The following DLGAP3 variants were observed in gnomAD, a reference collection of about 807,000 sequenced individuals.
DLGAP3 encodes DLG associated protein 3, also known as disks large-associated protein 3.
A neutral mutation model predicts 81.2 loss-of-function variants in DLGAP3; 17 were observed. The ratio of observed to expected loss-of-function variants is 0.21; its 90% CI spans 0.14 to 0.31. DLGAP3 has a LOEUF of 0.31. Ranked by LOEUF, DLGAP3 falls within the 10% of genes least tolerant of loss-of-function variation. The probability of loss-of-function intolerance (pLI) is 1.00; values close to 1 mark genes in which losing one functional copy is unlikely to be tolerated. For missense variants in DLGAP3, 1,124 were observed against 1,388.0 expected, an observed-to-expected ratio of 0.81 and a Z score of 3.02; for synonymous variants, 577 against 587.4, an observed-to-expected ratio of 0.98 and a Z score of 0.26.
intron 1 of DLGAP3, among the ~76,000 whole-genome samples, chr1:34,910,454 C>G (rs1639621657): frequency 6.6e-6 from 1 of 152,212 alleles, no homozygotes; most frequent in Non-Finnish European, 1.5e-5. Context: ...TATTGATGTT[C>G]TTAGGATAAA....
chr1:34,905,960 T>C (rs1340916104), intron 2 of DLGAP3, among the ~76,000 whole-genome samples: 1 of 135,766 alleles, frequency 7.4e-6, no homozygotes, highest in Admixed American at 7.8e-5. Flanking sequence ...GAACTATGAT[T>C]GTATTATACC....
intron 8 of DLGAP3, among the ~76,000 whole-genome samples, chr1:34,880,494 G>A (rs1639128274): frequency 6.6e-6 from 1 of 152,300 alleles, no homozygotes; most frequent in African/African-American, 2.4e-5. Flanking sequence ...ACTTTGGGAG[G>A]CTGAGGCGGG....
chr1:34,928,257 C>A (rs1212306669), intron 1 of DLGAP3, among the ~76,000 whole-genome samples: 2 of 152,166 alleles, frequency 1.3e-5, no homozygotes, highest in Admixed American at 1.3e-4. Flanking sequence ...GGGAGAGCGC[C>A]ACCTGCTCTG....
Position 34,900,418 on chromosome 1 carries a change from G to A in DLGAP3, c.1108-145C>T. ...CATGCAGAGGCAGAAGGGGAGGTAG[G>A]GTCTCAGGCTGTCCCCGTCCCTTAC... On this transcript the variant is annotated intron_variant, in intron 3 of 11. Transcript: ENST00000373347. This position sits in a 1 kb window ranked among gnomAD's most constrained non-coding sequence, Gnocchi z 5.6. 2 of 833,934 alleles carry A rather than the reference G, an allele frequency of 2.4e-6. No individual in the cohort carries two copies. The highest frequency in any genetic ancestry group is 4.0e-6 in the Non-Finnish European group (2 of 506,224). 51.7% of individuals were successfully genotyped at this position (833,934 alleles called of 1,614,324 possible). A position where few individuals can be genotyped will look rare whatever the true frequency, so the allele number is the denominator to read the frequency against.
chr1:34,923,274 C>T lies in DLGAP3; in HGVS notation c.-135+6177G>A, dbSNP rs1266054190. On this transcript the variant is annotated intron_variant, in intron 1 of 11. Transcript: ENST00000373347. ...GTGGGTGCTAAAACCTCCTAGAAAACACCCCTTTTCTTCCCTAGAGGGGAG... is the reference window on the plus strand; with the variant it reads ...GTGGGTGCTAAAACCTCCTAGAAAATACCCCTTTTCTTCCCTAGAGGGGAG... 2.6e-5 allele frequency among the ~76,000 whole-genome samples: 4 copies of T among 152,174 alleles called. No individual in the cohort carries two copies. The East Asian group carries it at 7.7e-4, about 29-fold the overall frequency.
intron 1 of DLGAP3, among the ~76,000 whole-genome samples, chr1:34,927,670 T>G (rs1218757852): frequency 6.6e-6 from 1 of 151,898 alleles, no homozygotes; most frequent in Non-Finnish European, 1.5e-5. Flanking sequence ...TCACGAAGCC[T>G]CTCCCTCCCC....
chr1:34,927,696 C>T lies in DLGAP3; in HGVS notation c.-135+1755G>A, dbSNP rs1037628886. ...CTCCCTCCCCTCCCTCCTCTCTTCT[C>T]CCCCCACCCCCCACTCTTTTAGGCA... On this transcript the variant is annotated intron_variant, in intron 1 of 11. Transcript: ENST00000373347. Among the ~76,000 whole-genome samples, 9 of 149,526 alleles carry T rather than the reference C, an allele frequency of 6.0e-5. No homozygotes were observed. In the South Asian group the frequency reaches 1.8e-3, roughly 30 times the overall value.
At chr1:34,905,467 G>C in intron 2 of DLGAP3, 33 bp from the exon 3 acceptor site, 1 of 1,418,846 alleles carries the variant, frequency 7.0e-7, no homozygotes, top group African/African-American at 1.4e-5. Flanking sequence ...TATTTGAATT[G>C]AACAGCCCTC....
At chr1:34,887,481 C>T (rs1208721127) in intron 5 of DLGAP3, among the ~76,000 whole-genome samples, 113 of 152,090 alleles carry the variant, frequency 7.4e-4, no homozygotes, top group Non-Finnish European at 5.9e-5. Context: ...CGCACACCAC[C>T]ACATGAAGAC....
chr1:34,872,083 C>T (rs760406174), intron 8 of DLGAP3, among the ~76,000 whole-genome samples: 4 of 152,144 alleles, frequency 2.6e-5, no homozygotes, highest in Non-Finnish European at 4.4e-5. Flanking sequence ...ATCCAAACCC[C>T]GGGAGAACAC....
At chr1:34,898,344 C>T (rs887911134) in intron 5 of DLGAP3, among the ~76,000 whole-genome samples, 8 of 152,172 alleles carry the variant, frequency 5.3e-5, no homozygotes, top group Admixed American at 1.3e-4. Context: ...GTGTGGTGTC[C>T]TCCAAGCCAA....
rs377418060 is a variant in DLGAP3, at chr1:34,902,235, A to C, written c.1108-1962T>G. ...AAATGGGGTAGGGATGGGAGCTCCA[A>C]AAGGGGTAACGCCTCAGGGACAGCA... On this transcript the variant is annotated intron_variant, in intron 3 of 11. Coordinates refer to ENST00000373347, the MANE Select transcript of DLGAP3 (RefSeq NM_001080418.3). This position sits in a 1 kb window ranked among gnomAD's most constrained non-coding sequence, Gnocchi z 4.4. Among the ~76,000 whole-genome samples the C allele has an allele frequency of 1.3e-5, 2 of 152,094 alleles. No homozygotes were observed. Among genetic ancestry groups the C allele is most frequent in the Admixed American group, 1.3e-4 (2 of 15,288 alleles).
chr1:34,874,411 G>A (rs754593157), intron 8 of DLGAP3, among the ~76,000 whole-genome samples: 22 of 152,178 alleles, frequency 1.4e-4, no homozygotes, highest in Non-Finnish European at 2.8e-4. Context: ...GGCTTATGTC[G>A]CTATTTAGTT....
intron 8 of DLGAP3, among the ~76,000 whole-genome samples, chr1:34,872,734 C>G (rs1222908740): frequency 6.6e-6 from 1 of 152,080 alleles, no homozygotes; most frequent in Non-Finnish European, 1.5e-5. Context: ...ATAATGCAAC[C>G]TAGGGACTCA....
At chr1:34,879,664 CA>C (rs1359384379) in intron 8 of DLGAP3, among the ~76,000 whole-genome samples, 1 of 150,370 alleles carries the variant, frequency 6.7e-6, no homozygotes, top group Non-Finnish European at 1.5e-5. Context: ...TGTCCCTTGT[CA>C]AAAAAATTCA....
Position 34,865,768 on chromosome 1 carries a change from G to C in DLGAP3, c.*315C>G, listed in dbSNP as rs1638864013. The C allele has an allele frequency of 7.0e-6, 3 of 429,350 alleles. No homozygotes were observed. The highest frequency in any genetic ancestry group is 2.2e-5 in the African/African-American group (1 of 46,260). 26.6% of individuals were successfully genotyped at this position (429,350 alleles called of 1,614,324 possible). A position where few individuals can be genotyped will look rare whatever the true frequency, so the allele number is the denominator to read the frequency against. On this transcript the variant is annotated 3_prime_UTR_variant, in exon 12 of 12. Transcript: ENST00000373347. ...CCAGATGAGGGACCCGGCCCGGCCTGGCCCGTGGGGGAAAGAATGGCAGAG... is the reference window on the plus strand; with the variant it reads ...CCAGATGAGGGACCCGGCCCGGCCTCGCCCGTGGGGGAAAGAATGGCAGAG...
chr1:34,922,470 T>C (rs536571908), intron 1 of DLGAP3, among the ~76,000 whole-genome samples: 6 of 152,302 alleles, frequency 3.9e-5, no homozygotes, highest in African/African-American at 1.4e-4. Context: ...ATGCCCCACA[T>C]ACATGCTCAC....
chr1:34,917,610 G>A (rs997591865), intron 1 of DLGAP3, among the ~76,000 whole-genome samples: 1 of 152,166 alleles, frequency 6.6e-6, no homozygotes, highest in Non-Finnish European at 1.5e-5. Context: ...CCTCCCAAGT[G>A]CTGGGATTAT....
At chr1:34,889,343 G>A (rs754644781) in intron 5 of DLGAP3, among the ~76,000 whole-genome samples, 9 of 152,130 alleles carry the variant, frequency 5.9e-5, no homozygotes, top group African/African-American at 2.2e-4. Context: ...AGGGAAACAC[G>A]GACTCAGAGA....
Sources: allele counts gnomAD v4.1 joint callset (sites outside exome capture counted in the v4.1 genomes callset), GRCh38; gene constraint gnomAD v4.1.1; non-coding constraint Gnocchi (gnomAD v3.1); transcripts MANE v1.5; gene names NCBI Gene and HGNC (gene_info 2026-07-23, HGNC 2026-07-21).